Variants in AMBRA1 observed in about 807,000 individuals in gnomAD.
The protein encoded by AMBRA1 is autophagy and beclin 1 regulator 1, also known as activating molecule in BECN1-regulated autophagy protein 1.
AMBRA1 carries 47 observed loss-of-function variants against 125.4 expected under a neutral mutation model. That is an observed-to-expected ratio of 0.37 (90% CI 0.30 to 0.48). AMBRA1 has a LOEUF of 0.48. Among genes scored for constraint, AMBRA1 ranks in the 20% least tolerant of loss-of-function variants. The pLI is 0.99. For synonymous variants in AMBRA1, 626 were observed against 655.5 expected (o/e 0.95, Z 0.69); for missense variants, 1,331 against 1,693.4 (o/e 0.79, Z 3.76).
At chr11:46,558,741 C>T (rs954259430) in intron 1 of AMBRA1, among the ~76,000 whole-genome samples, 5 of 152,070 alleles carry the variant, frequency 3.3e-5, no homozygotes, top group African/African-American at 9.7e-5. Context: ...TTTTATCACA[C>T]TGGTGATCCT....
intron 11 of AMBRA1, among the ~76,000 whole-genome samples, chr11:46,444,751 C>T (rs1948193203): frequency 6.6e-6 from 1 of 152,120 alleles, no homozygotes. Context: ...GCATTTATTG[C>T]ACTGCTACTC....
At chr11:46,474,967 A>G (rs1949758469) in intron 11 of AMBRA1, among the ~76,000 whole-genome samples, 1 of 152,230 alleles carries the variant, frequency 6.6e-6, no homozygotes, top group Non-Finnish European at 1.5e-5. Context: ...GCATATATGT[A>G]TAACATGAGG....
At chr11:46,405,365 G>A (rs1945957334) in intron 17 of AMBRA1, among the ~76,000 whole-genome samples, 1 of 152,134 alleles carries the variant, frequency 6.6e-6, no homozygotes. Flanking sequence ...AGGCCTACTT[G>A]TCTTCACCGC....
intron 12 of AMBRA1, among the ~76,000 whole-genome samples, chr11:46,439,622 AT>A (rs1017154858): frequency 1.6e-4 from 24 of 152,356 alleles, no homozygotes; most frequent in Admixed American, 1.3e-3. Context: ...CCAAGGAACC[AT>A]AAAAGGAAAG....
intron 1 of AMBRA1, among the ~76,000 whole-genome samples, chr11:46,554,856 C>T (rs1257272814): frequency 6.6e-6 from 1 of 152,146 alleles, no homozygotes; most frequent in Non-Finnish European, 1.5e-5. Flanking sequence ...CTTTGTGATA[C>T]CGTCACACAG....
chr11:46,589,141 C>G (rs747903825), intron 1 of AMBRA1, among the ~76,000 whole-genome samples: 1 of 152,196 alleles, frequency 6.6e-6, no homozygotes, highest in Non-Finnish European at 1.5e-5. Flanking sequence ...CTCCTGATTA[C>G]TTAATCTATT....
chr11:46,581,099 G>C (rs2044153275), intron 1 of AMBRA1, among the ~76,000 whole-genome samples: 1 of 151,854 alleles, frequency 6.6e-6, no homozygotes, highest in African/African-American at 2.4e-5. Flanking sequence ...CGGCCCCAGA[G>C]TAACGTTTTA....
intron 1 of AMBRA1, among the ~76,000 whole-genome samples, chr11:46,573,910 GC>G (rs1347960759): frequency 7.1e-6 from 1 of 141,822 alleles, no homozygotes; most frequent in Non-Finnish European, 1.5e-5. Flanking sequence ...GTGAGAATAT[GC>G]GGTGTTTGGT....
At position 46,430,892 on chromosome 11, in the gene AMBRA1, T is replaced by C. The variant is rs767684020; in HGVS notation, c.2976+2582A>G. On this transcript the variant is annotated intron_variant, in intron 14 of 17. Transcript: ENST00000683756. Reference sequence around the variant, plus strand: ...ATGGAGACACCCACCTATACTTACCTGTGCAAAGAGGGAGATGCTGTACTG... The same window carrying C: ...ATGGAGACACCCACCTATACTTACCCGTGCAAAGAGGGAGATGCTGTACTG... 1.3e-5 allele frequency among the ~76,000 whole-genome samples: 2 copies of C among 152,232 alleles called. 1 individual carries two copies. The highest frequency in any genetic ancestry group is 2.9e-5 in the Non-Finnish European group (2 of 68,036).
At chr11:46,514,600 G>C (rs2135061578) in intron 7 of AMBRA1, among the ~76,000 whole-genome samples, 1 of 152,276 alleles carries the variant, frequency 6.6e-6, no homozygotes, top group Admixed American at 6.5e-5. Context: ...TCTGAGGTTG[G>C]GGTGTATTTT....
At chr11:46,562,329 T>A (rs896619828) in intron 1 of AMBRA1, among the ~76,000 whole-genome samples, 1 of 152,208 alleles carries the variant, frequency 6.6e-6, no homozygotes, top group African/African-American at 2.4e-5. Context: ...GGAGCACCAC[T>A]AACAAGGAAG....
intron 14 of AMBRA1, among the ~76,000 whole-genome samples, chr11:46,431,114 C>T (rs565848942): frequency 9.8e-5 from 15 of 152,304 alleles, no homozygotes; most frequent in African/African-American, 3.6e-4. Context: ...CTTTCTGTAG[C>T]ATGGGGGTTT....
chr11:46,397,448 C>A lies in AMBRA1; in HGVS notation c.*2G>T, dbSNP rs376477879. 1 of 1,500,484 alleles carries A rather than the reference C, an allele frequency of 6.7e-7. No individual in the cohort carries two copies. Among genetic ancestry groups the A allele is most frequent in the Admixed American group, 2.3e-5 (1 of 43,258 alleles). 92.9% of individuals were successfully genotyped at this position (1,500,484 alleles called of 1,614,324 possible). A position where few individuals can be genotyped will look rare whatever the true frequency, so the allele number is the denominator to read the frequency against. On this transcript the variant is annotated 3_prime_UTR_variant, in exon 18 of 18. Coordinates refer to ENST00000683756, the MANE Select transcript of AMBRA1 (RefSeq NM_001387011.1). Reference sequence around the variant, plus strand: ...GGGGAGGCACCAGTGCAACGTTTGTCTCTACCTGTTCCGTGGTTCTCCCCT... The same window carrying A: ...GGGGAGGCACCAGTGCAACGTTTGTATCTACCTGTTCCGTGGTTCTCCCCT...
intron 11 of AMBRA1, among the ~76,000 whole-genome samples, chr11:46,465,006 C>T (rs368786073): frequency 1.3e-5 from 2 of 151,860 alleles, no homozygotes; most frequent in African/African-American, 2.4e-5. Context: ...ATCGCGCCAC[C>T]GCACTCCAGC....
intron 4 of AMBRA1, among the ~76,000 whole-genome samples, chr11:46,546,837 G>A (rs554783977): frequency 1.1e-4 from 17 of 152,254 alleles, no homozygotes; most frequent in Admixed American, 2.0e-4. Context: ...TTGGGAGGCC[G>A]AGGCAGGCAG....
chr11:46,518,906 T>C (rs1951637466), intron 7 of AMBRA1, among the ~76,000 whole-genome samples: 1 of 152,230 alleles, frequency 6.6e-6, no homozygotes, highest in African/African-American at 2.4e-5. Context: ...AAGTTCCCTG[T>C]ATCAGCTGTA....
intron 7 of AMBRA1, among the ~76,000 whole-genome samples, chr11:46,538,288 C>T (rs1003634377): frequency 6.6e-6 from 1 of 152,096 alleles, no homozygotes. Context: ...TATTAATATA[C>T]TATCTTACAA....
chr11:46,419,094 A>G (rs1186292095), intron 14 of AMBRA1, among the ~76,000 whole-genome samples: 1 of 152,260 alleles, frequency 6.6e-6, no homozygotes, highest in African/African-American at 2.4e-5. Flanking sequence ...GTGCATTAAG[A>G]TGGAGGGAGC....
chr11:46,508,283 T>G lies in AMBRA1; in HGVS notation c.2247A>C (p.Gln749His). Residue 749 changes from glutamine to histidine, a missense_variant, in exon 9 of 18, where the codon CAA becomes CAC. Around this residue, in one of 4 missense-constraint regions of AMBRA1, gnomAD observed 689 missense variants for 776.5 expected, o/e 0.89. Transcript: ENST00000683756. ...AGGTGGAAGAACGGAGACGGTTCTG[T>G]TGGTAGCGCATGGAGCGCTGGCGAA... is the stretch of plus-strand genomic sequence containing the variant. The part of the protein sequence containing the change: ...DSIRQRSMRY[Q>H]QNRLRSSTSS... The G allele has an allele frequency of 6.2e-7, 1 of 1,614,200 alleles. No homozygotes were observed. Among genetic ancestry groups the G allele is most frequent in the Non-Finnish European group, 8.5e-7 (1 of 1,180,032 alleles).
Sources: gnomAD v4.1 joint callset for allele counts (sites outside exome capture counted in the v4.1 genomes callset) on GRCh38, gnomAD v4.1.1 for gene constraint, gnomAD v4.1.1 regional missense constraint, MANE v1.5 for transcripts, NCBI Gene and HGNC (gene_info 2026-07-23, HGNC 2026-07-21) for gene names.